Variants in CHSY3 observed in about 807,000 individuals in gnomAD.
CHSY3 encodes the protein chondroitin sulfate synthase 3, also known as N-acetylgalactosaminyl-proteoglycan 3-beta-glucuronosyltransferase 3.
Under a neutral mutation model 67.2 loss-of-function variants are expected in CHSY3, and 35 were observed. That is an observed-to-expected ratio of 0.52 (90% CI 0.40 to 0.69). CHSY3 has a LOEUF of 0.69. Among genes scored for constraint, CHSY3 ranks in the 30% least tolerant of loss-of-function variants. The pLI is 0.00. For synonymous variants in CHSY3, 474 were observed against 434.7 expected (o/e 1.09, Z -1.12); for missense variants, 1,069 against 1,138.5 (o/e 0.94, Z 0.88).
intron 1 of CHSY3, chr5:129,905,843 T>A: frequency 9.5e-7 from 1 of 1,057,096 alleles, no homozygotes; most frequent in Non-Finnish European, 1.3e-6. Flanking sequence ...TCCTCACACC[T>A]GCCTGGCTTT....
chr5:130,018,248 C>T (rs1454256602), intron 2 of CHSY3, among the ~76,000 whole-genome samples: 1 of 151,852 alleles, frequency 6.6e-6, no homozygotes, highest in Non-Finnish European at 1.5e-5. Flanking sequence ...GATTTTAAAT[C>T]TTATTGTTTA....
intron 2 of CHSY3, among the ~76,000 whole-genome samples, chr5:130,162,209 T>G (rs2149728780): frequency 6.6e-6 from 1 of 152,296 alleles, no homozygotes; most frequent in East Asian, 1.9e-4. Flanking sequence ...GGAATATTTA[T>G]TTTAAAAATG....
chr5:129,949,543 C>A (rs1371622065), intron 2 of CHSY3, among the ~76,000 whole-genome samples: 3 of 152,112 alleles, frequency 2.0e-5, no homozygotes, highest in Non-Finnish European at 2.9e-5. Context: ...TAATGGAGAG[C>A]TAATATCAAT....
At chr5:129,970,117 A>G (rs982769759) in intron 2 of CHSY3, among the ~76,000 whole-genome samples, 7 of 151,690 alleles carry the variant, frequency 4.6e-5, no homozygotes, top group Admixed American at 6.6e-5. Flanking sequence ...CCTTACTACT[A>G]CATTTAATGT....
intron 2 of CHSY3, among the ~76,000 whole-genome samples, chr5:130,144,219 G>A (rs76310853): frequency 0.046 from 7,016 of 151,760 alleles, 427 homozygotes; most frequent in East Asian, 0.27. Flanking sequence ...ACTTTAGAAC[G>A]CAGAAAAATC....
Position 130,061,676 on chromosome 5 carries a change from A to G in CHSY3, c.1087-122553A>G, listed in dbSNP as rs186695221. 3.9e-4 allele frequency among the ~76,000 whole-genome samples: 59 copies of G among 152,288 alleles called. 1 individual carries two copies. The highest frequency in any genetic ancestry group is 7.4e-4 in the Non-Finnish European group (50 of 68,004). On this transcript the variant is annotated intron_variant, in intron 2 of 2. Transcript: ENST00000305031. ...TACCTGTGACAAAAGACAAATGTCC[A>G]GAATTTATAAGGAACTCAGACAATG...
intron 2 of CHSY3, among the ~76,000 whole-genome samples, chr5:130,151,456 A>C (rs1769229675): frequency 6.6e-6 from 1 of 152,210 alleles, no homozygotes; most frequent in South Asian, 2.1e-4. Flanking sequence ...CATTCAGCAA[A>C]TAGTTATTGA....
intron 2 of CHSY3, among the ~76,000 whole-genome samples, chr5:130,085,291 A>G (rs1042821800): frequency 1.3e-5 from 2 of 152,106 alleles, no homozygotes; most frequent in African/African-American, 4.8e-5. Context: ...ATTTGATCAA[A>G]TAATGATATG....
intron 2 of CHSY3, among the ~76,000 whole-genome samples, chr5:130,073,843 A>G (rs1375846607): frequency 6.6e-6 from 1 of 152,144 alleles, no homozygotes; most frequent in Admixed American, 6.6e-5. Context: ...AGTGACAGGC[A>G]TGGTAGAAAC....
chr5:130,176,313 C>T (rs182775800), intron 2 of CHSY3, among the ~76,000 whole-genome samples: 8 of 152,098 alleles, frequency 5.3e-5, no homozygotes, highest in Admixed American at 4.6e-4. Flanking sequence ...TATCATCTCA[C>T]GTCAGTTAGA....
intron 2 of CHSY3, among the ~76,000 whole-genome samples, chr5:130,174,082 G>T (rs1336885455): frequency 6.6e-6 from 1 of 151,926 alleles, no homozygotes; most frequent in Non-Finnish European, 1.5e-5. Flanking sequence ...TTTAATATTT[G>T]CAAAGCAAAT....
chr5:129,961,476 C>T (rs1433570222), intron 2 of CHSY3, among the ~76,000 whole-genome samples: 1 of 151,966 alleles, frequency 6.6e-6, no homozygotes, highest in South Asian at 2.1e-4. Flanking sequence ...TGATGATCAT[C>T]CATTTCTTTT....
At chr5:130,118,175 T>C (rs1294456216) in intron 2 of CHSY3, among the ~76,000 whole-genome samples, 1 of 152,194 alleles carries the variant, frequency 6.6e-6, no homozygotes, top group Admixed American at 6.5e-5. Context: ...TGTAGAACTC[T>C]GAGCCAATTA....
At chr5:129,998,655 A>G (rs1271124461) in intron 2 of CHSY3, among the ~76,000 whole-genome samples, 1 of 152,114 alleles carries the variant, frequency 6.6e-6, no homozygotes, top group Non-Finnish European at 1.5e-5. Context: ...CAATCTGATT[A>G]TTAAAAAAGC....
intron 2 of CHSY3, among the ~76,000 whole-genome samples, chr5:130,128,439 A>T (rs1231854178): frequency 6.6e-6 from 1 of 152,114 alleles, no homozygotes; most frequent in Non-Finnish European, 1.5e-5. Context: ...ATAAACACCT[A>T]GTGATCCCAC....
intron 2 of CHSY3, among the ~76,000 whole-genome samples, chr5:130,074,699 A>C (rs906917888): frequency 1.1e-4 from 16 of 152,190 alleles, no homozygotes; most frequent in Non-Finnish European, 2.4e-4. Context: ...AATTTATTAA[A>C]GATTATAAGA....
chr5:130,085,073 C>T (rs946482585), intron 2 of CHSY3, among the ~76,000 whole-genome samples: 6 of 151,968 alleles, frequency 3.9e-5, no homozygotes, highest in African/African-American at 1.4e-4. Flanking sequence ...ACCTCCACTT[C>T]TCATCATGGC....
chr5:130,127,042 G>T (rs1176768846), intron 2 of CHSY3, among the ~76,000 whole-genome samples: 1 of 152,122 alleles, frequency 6.6e-6, no homozygotes, highest in Non-Finnish European at 1.5e-5. Flanking sequence ...CCTGGGAAAG[G>T]CTGTATCTAT....
At position 130,021,407 on chromosome 5, in the gene CHSY3, T is replaced by G. The variant is rs571316258; in HGVS notation, c.1086+113047T>G. On this transcript the variant is annotated intron_variant, in intron 2 of 2. Coordinates refer to ENST00000305031, the MANE Select transcript of CHSY3 (RefSeq NM_175856.5). ...TTTATAATGGAATTCCTGTTTTCAC[T>G]GAATCAATACAGCCTGATCTTTTCT... 2.8e-4 allele frequency among the ~76,000 whole-genome samples: 42 copies of G among 152,292 alleles called. No homozygotes were observed. In the South Asian group the frequency reaches 6.2e-3, roughly 23 times the overall value.
Sources: allele counts gnomAD v4.1 joint callset (sites outside exome capture counted in the v4.1 genomes callset), GRCh38; gene constraint gnomAD v4.1.1; transcripts MANE v1.5; gene names NCBI Gene and HGNC (gene_info 2026-07-23, HGNC 2026-07-21).